PTPRD: variants seen among roughly 807,000 people sequenced by gnomAD.
PTPRD encodes protein tyrosine phosphatase receptor type D, also known as receptor-type tyrosine-protein phosphatase delta.
A neutral mutation model predicts 214.5 loss-of-function variants in PTPRD; 34 were observed. The ratio of observed to expected loss-of-function variants is 0.16; its 90% confidence interval spans 0.12 to 0.21. The LOEUF is 0.21. Among genes scored for constraint, PTPRD ranks in the 10% least tolerant of loss-of-function variants. The probability of loss-of-function intolerance (pLI) is 1.00; values close to 1 mark genes in which losing one functional copy is unlikely to be tolerated. For synonymous variants in PTPRD, 1,128 were observed against 845.7 expected (o/e 1.33, Z -5.79); for missense variants, 2,545 against 2,398.7 (o/e 1.06, Z -1.27).
chr9:8,483,713 A>G (rs1002484210), intron 30 of PTPRD, among the ~76,000 whole-genome samples: 8 of 152,228 alleles, frequency 5.3e-5, no homozygotes, highest in African/African-American at 1.9e-4. Context: ...CGGGAGGTGG[A>G]GGTTGCAGTG....
chr9:8,414,457 A>T (rs934120835), intron 35 of PTPRD, among the ~76,000 whole-genome samples: 2 of 152,202 alleles, frequency 1.3e-5, no homozygotes, highest in Admixed American at 1.3e-4. Flanking sequence ...TTATACAATT[A>T]GTTGGCTATT....
intron 11 of PTPRD, among the ~76,000 whole-genome samples, chr9:8,780,862 T>C (rs1022607693): frequency 1.3e-5 from 2 of 152,228 alleles, no homozygotes; most frequent in Non-Finnish European, 2.9e-5. Flanking sequence ...TGTGTATCAA[T>C]TGTGGAGGTA....
At chr9:9,378,677 G>C (rs1211511389) in intron 9 of PTPRD, among the ~76,000 whole-genome samples, 2 of 152,014 alleles carry the variant, frequency 1.3e-5, no homozygotes, top group Non-Finnish European at 2.9e-5. Context: ...GCTAGCATTT[G>C]GTTTTGTCAG....
chr9:8,690,459 G>C (rs1414186204), intron 12 of PTPRD, among the ~76,000 whole-genome samples: 2 of 151,548 alleles, frequency 1.3e-5, no homozygotes, highest in Non-Finnish European at 2.9e-5. Flanking sequence ...CCACCAGGAG[G>C]GAGAGCTTGC....
intron 9 of PTPRD, among the ~76,000 whole-genome samples, chr9:9,221,548 G>T (rs1251592434): frequency 1.3e-5 from 2 of 151,976 alleles, no homozygotes; most frequent in Admixed American, 6.6e-5. Flanking sequence ...TCTCTTTCTG[G>T]CTCGCAGACA....
intron 2 of PTPRD, among the ~76,000 whole-genome samples, chr9:10,388,236 G>A (rs975464842): frequency 4.0e-5 from 6 of 151,872 alleles, no homozygotes; most frequent in East Asian, 2.0e-4. Context: ...ACAGAGAAAC[G>A]TGTGATTCAA....
chr9:9,996,300 G>T (rs773344490), intron 4 of PTPRD, among the ~76,000 whole-genome samples: 13 of 152,244 alleles, frequency 8.5e-5, no homozygotes, highest in African/African-American at 3.1e-4. Context: ...TGATTCAAAA[G>T]CCTCTCAGAA....
At chr9:9,303,016 A>G (rs1955987758) in intron 9 of PTPRD, among the ~76,000 whole-genome samples, 1 of 151,936 alleles carries the variant, frequency 6.6e-6, no homozygotes, top group Non-Finnish European at 1.5e-5. Context: ...ACTGCTTGTC[A>G]GTAAATATTC....
At chr9:10,391,951 C>T (rs941000726) in intron 2 of PTPRD, among the ~76,000 whole-genome samples, 2 of 151,748 alleles carry the variant, frequency 1.3e-5, no homozygotes, top group Non-Finnish European at 2.9e-5. Context: ...TTCATACCTC[C>T]TTCAGGTTTC....
intron 11 of PTPRD, among the ~76,000 whole-genome samples, chr9:8,867,211 C>T (rs2098214737): frequency 6.6e-6 from 1 of 152,126 alleles, no homozygotes; most frequent in Admixed American, 6.6e-5. Context: ...TTCCTTCTCT[C>T]CTTTTGTTCT....
In PTPRD at chr9:9,571,819, G is replaced by C. The variant is rs537800486; in HGVS notation, c.-237+2913C>G. On this transcript the variant is annotated intron_variant, in intron 8 of 45. Transcript: ENST00000381196. ...TATCAATGTATTAATATTTATGTAT[G>C]AATTTTATAATAAAACATTAAAACA... Among the ~76,000 whole-genome samples, 3 of 150,992 alleles carry C rather than the reference G, an allele frequency of 2.0e-5. No individual in the cohort carries two copies. The East Asian group carries it at 5.8e-4, about 29-fold the overall frequency.
intron 10 of PTPRD, among the ~76,000 whole-genome samples, chr9:9,071,026 AC>A (rs2099742914): frequency 6.6e-6 from 1 of 151,780 alleles, no homozygotes; most frequent in African/African-American, 2.4e-5. Context: ...TGATCCTCCC[AC>A]CTCTGCCTGC....
At chr9:8,815,053 T>C (rs2096892195) in intron 11 of PTPRD, among the ~76,000 whole-genome samples, 1 of 152,146 alleles carries the variant, frequency 6.6e-6, no homozygotes, top group Non-Finnish European at 1.5e-5. Context: ...ATTCTGGCAG[T>C]GGACAAGAAT....
intron 9 of PTPRD, among the ~76,000 whole-genome samples, chr9:9,208,098 T>C (rs1387568662): frequency 7.0e-6 from 1 of 143,110 alleles, no homozygotes; most frequent in African/African-American, 2.6e-5. Flanking sequence ...CACTGCAAGC[T>C]CCGCCTCCCG....
rs201092107 is a variant in PTPRD, at chr9:9,398,627, AGAAT to A, written c.-236-1149_-236-1146del. Among the ~76,000 whole-genome samples, 761 of 152,224 alleles carry A rather than the reference AGAAT, an allele frequency of 5.0e-3. 8 individuals are homozygous for A. The highest frequency in any genetic ancestry group is 0.016 in the African/African-American group (682 of 41,564). ...AAAAAAATAAAGAAATTGAGGGTGAAGAATGTCCTTTATTGATAAATGATTTTTA... is the reference window on the plus strand; with the variant it reads ...AAAAAAATAAAGAAATTGAGGGTGAAGTCCTTTATTGATAAATGATTTTTA... On this transcript the variant is annotated intron_variant, in intron 8 of 45. Coordinates refer to ENST00000381196, the MANE Select transcript of PTPRD (RefSeq NM_002839.4).
chr9:9,369,092 C>A (rs868433233), intron 9 of PTPRD, among the ~76,000 whole-genome samples: 37 of 152,130 alleles, frequency 2.4e-4, no homozygotes, highest in African/African-American at 8.2e-4. Flanking sequence ...GACATGAACT[C>A]ATCCTTTTTT....
intron 11 of PTPRD, among the ~76,000 whole-genome samples, chr9:8,766,387 C>T (rs190389169): frequency 9.2e-5 from 14 of 152,062 alleles, no homozygotes; most frequent in Non-Finnish European, 1.5e-4. Context: ...TGAGATGGGA[C>T]GGCATATTCT....
intron 11 of PTPRD, among the ~76,000 whole-genome samples, chr9:8,771,617 T>G (rs1163275328): frequency 6.6e-6 from 1 of 152,168 alleles, no homozygotes; most frequent in Non-Finnish European, 1.5e-5. Context: ...TGGAAATAGG[T>G]ATTGGATGTT....
In PTPRD at chr9:8,874,622, C is replaced by T. The variant is rs558532542; in HGVS notation, c.-103-140676G>A. 1.6e-4 allele frequency among the ~76,000 whole-genome samples: 24 copies of T among 152,264 alleles called. No homozygotes were observed. The South Asian group carries it at 4.6e-3, about 29-fold the overall frequency. The stretch of plus-strand genomic sequence containing the variant: ...TTCTCCTAATGACTCTTATCTCTTC[C>T]CTAATTTATCATAATGGAAATTGCA... On this transcript the variant is annotated intron_variant, in intron 11 of 45. Coordinates refer to ENST00000381196, the MANE Select transcript of PTPRD (RefSeq NM_002839.4).
Sources: gnomAD v4.1 joint callset for allele counts (sites outside exome capture counted in the v4.1 genomes callset) on GRCh38, gnomAD v4.1.1 for gene constraint, MANE v1.5 for transcripts, NCBI Gene and HGNC (gene_info 2026-07-23, HGNC 2026-07-21) for gene names.